FKBP15: variants seen among roughly 807,000 people sequenced by gnomAD.
The protein encoded by FKBP15 is FKBP prolyl isomerase family member 15.
Under a neutral mutation model 158.1 loss-of-function variants are expected in FKBP15, and 106 were observed. That is an observed-to-expected ratio of 0.67 (90% CI 0.57 to 0.79). The LOEUF (loss-of-function observed/expected upper bound fraction) is 0.79. Ranked by LOEUF, FKBP15 falls within the 30% of genes least tolerant of loss-of-function variation. The probability of loss-of-function intolerance (pLI) is 0.00; values close to 1 mark genes in which losing one functional copy is unlikely to be tolerated. For missense variants in FKBP15, 1,287 were observed against 1,479.1 expected (o/e 0.87, Z 2.13); for synonymous variants, 547 against 548.6 (o/e 1.00, Z 0.04).
At chr9:113,177,155 A>C (rs10981670) in intron 20 of FKBP15, among the ~76,000 whole-genome samples, 58,083 of 152,028 alleles carry the variant, frequency 0.38, 11,755 homozygotes, top group East Asian at 0.77. Flanking sequence ...TTTGAAACAG[A>C]TAACTCTCAT....
chr9:113,209,727 C>T (rs1830963062), intron 2 of FKBP15, among the ~76,000 whole-genome samples: 1 of 152,236 alleles, frequency 6.6e-6, no homozygotes, highest in African/African-American at 2.4e-5. Context: ...CTTTAACCTA[C>T]ACAACAAAAG....
At chr9:113,202,337 CA>C (rs1384535239) in intron 6 of FKBP15, among the ~76,000 whole-genome samples, 193 bp downstream of exon 6, 1 of 152,186 alleles carries the variant, frequency 6.6e-6, no homozygotes, top group Non-Finnish European at 1.5e-5. Flanking sequence ...GCTAAATTGT[CA>C]AGCAGTTTCA....
At chr9:113,205,948 T>C (rs1369799440) in intron 4 of FKBP15, 2 of 152,406 alleles carry the variant, frequency 1.3e-5, no homozygotes, top group Non-Finnish European at 2.9e-5. Flanking sequence ...ATTCCACCTA[T>C]ATTAGGTACC....
intron 3 of FKBP15, 70 bp from the exon 4 acceptor site, chr9:113,206,648 TC>T: frequency 8.6e-6 from 10 of 1,164,334 alleles, no homozygotes; most frequent in Non-Finnish European, 1.3e-5. Context: ...TTCTTTTCTG[TC>T]ATACAGAAGT....
At chr9:113,170,877 G>A (rs1370929295) in intron 24 of FKBP15, among the ~76,000 whole-genome samples, 2 of 152,150 alleles carry the variant, frequency 1.3e-5, no homozygotes, top group African/African-American at 2.4e-5. Flanking sequence ...TGGTCTGTGT[G>A]CCCAAGACTG....
Position 113,184,674 on chromosome 9 carries a change from C to T in FKBP15, c.1608+21G>A, listed in dbSNP as rs200675800. On this transcript the variant is annotated intron_variant, in intron 16 of 27. Transcript: ENST00000238256. This position sits in a 1 kb window ranked among gnomAD's most constrained non-coding sequence, Gnocchi z 4.5. ...GTTTACATCCCCACTTTCAACATCA[C>T]CCCAACTCTGACTCAGTCACCTTAG... 1 of 1,572,124 alleles carries T rather than the reference C, an allele frequency of 6.4e-7. No homozygotes were observed.
intron 2 of FKBP15, among the ~76,000 whole-genome samples, chr9:113,208,251 C>A (rs902730136): frequency 6.6e-6 from 1 of 152,038 alleles, no homozygotes; most frequent in Non-Finnish European, 1.5e-5. Context: ...GAGGAAGAAT[C>A]GCTTGAGCCT....
intron 6 of FKBP15, among the ~76,000 whole-genome samples, chr9:113,200,718 T>C (rs1366371013): frequency 3.9e-5 from 6 of 152,162 alleles, no homozygotes; most frequent in Non-Finnish European, 5.9e-5. Flanking sequence ...TTTAACATAG[T>C]ATCCATTAGG....
chr9:113,172,729 C>T (rs1016175460), intron 23 of FKBP15, among the ~76,000 whole-genome samples: 2 of 152,220 alleles, frequency 1.3e-5, no homozygotes, highest in Non-Finnish European at 2.9e-5. Flanking sequence ...GTCATTTAGA[C>T]ATAAACATTC....
At position 113,169,653 on chromosome 9, in the gene FKBP15, T is replaced by C; in HGVS notation, c.3056A>G (p.Glu1019Gly). The change falls in exon 26 of 28, where the codon GAG (glutamate) becomes GGG (glycine). Residue 1019 changes from glutamate (E) to glycine (G), a missense_variant. Coordinates refer to ENST00000238256, the MANE Select transcript of FKBP15 (RefSeq NM_015258.2). ...KGDSEAEALS[E>G]IKDGSLPPEL... ...GGGTGGAAGGGAACCATCTTTTATC[T>C]CTGAGAGTGCCTCAGCTTCTGAGTC... 1 of 1,613,990 alleles carries C rather than the reference T, an allele frequency of 6.2e-7. No homozygotes were observed.
At chr9:113,205,459 A>G (rs1001542201) in intron 4 of FKBP15, among the ~76,000 whole-genome samples, 1 of 152,222 alleles carries the variant, frequency 6.6e-6, no homozygotes, top group Non-Finnish European at 1.5e-5. Context: ...TAAAACCACA[A>G]TAAAGTACCA....
intron 6 of FKBP15, among the ~76,000 whole-genome samples, chr9:113,201,109 T>C (rs1830782355): frequency 6.6e-6 from 1 of 151,846 alleles, no homozygotes; most frequent in South Asian, 2.1e-4. Flanking sequence ...CATTTTTTTT[T>C]TTTTAACCAA....
rs80286900 is a variant in FKBP15 at position 113,166,195 on chromosome 9, C to T, written c.3583-40G>A. The T allele has an allele frequency of 2.3e-3, 3,603 of 1,553,120 alleles. 70 individuals carry two copies. In the African/African-American group the frequency reaches 0.043, roughly 18 times the overall value. On this transcript the variant is annotated intron_variant, in intron 27 of 27. Transcript: ENST00000238256. ...AAGAGCAGTCAGTCCTCACTTGTGC[C>T]TGCACCACTGGACTTTCCACCTGTG...
In FKBP15 at chr9:113,211,950, T is replaced by C. The variant is rs543626992; in HGVS notation, c.54-358A>G. Among the ~76,000 whole-genome samples, 4 of 152,306 alleles carry C rather than the reference T, an allele frequency of 2.6e-5. No individual in the cohort carries two copies. The East Asian group carries it at 7.7e-4, about 29-fold the overall frequency. On this transcript the variant is annotated intron_variant, in intron 1 of 27. Coordinates refer to ENST00000238256, the MANE Select transcript of FKBP15 (RefSeq NM_015258.2). ...GGTGCTCTCTATGGTATCTTCAAAC[T>C]GTAAATTCTTGCTTTTAGCAAATCA...
rs1564172017 is a variant in FKBP15 at position 113,194,057 on chromosome 9, G to A, written c.977C>T (p.Ser326Leu). 1 of 1,613,164 alleles carries A rather than the reference G, an allele frequency of 6.2e-7. No homozygotes were observed. The highest frequency in any genetic ancestry group is 1.1e-5 in the South Asian group (1 of 91,000). The change falls in exon 10 of 28, where the codon TCA becomes TTA. Residue 326 changes from serine (S) to leucine (L), a missense_variant. Transcript: ENST00000238256. Reference sequence around the variant, plus strand: ...TTTGAAAGGTATTGATGTGGGTGGTGACACAACAGGATCAGCAGAGAGGTT... The same window carrying A: ...TTTGAAAGGTATTGATGTGGGTGGTAACACAACAGGATCAGCAGAGAGGTT... Reference protein sequence around the residue: ...ADNLSADPVVSPPTSIPFKSG... With the variant: ...ADNLSADPVVLPPTSIPFKSG...
At chr9:113,179,920 G>A (rs976352755) in intron 19 of FKBP15, among the ~76,000 whole-genome samples, 1 of 152,140 alleles carries the variant, frequency 6.6e-6, no homozygotes, top group African/African-American at 2.4e-5. Context: ...AGATGACAAT[G>A]AAATCTAGAA....
intron 11 of FKBP15, 49 bp downstream of exon 11, chr9:113,193,443 A>G: frequency 6.8e-7 from 1 of 1,477,708 alleles, no homozygotes; most frequent in Non-Finnish European, 9.3e-7. Context: ...GCAAAGTGTT[A>G]GGATTACAGG....
At chr9:113,204,179 G>A in intron 4 of FKBP15, among the ~76,000 whole-genome samples, 1 of 152,162 alleles carries the variant, frequency 6.6e-6, no homozygotes, top group East Asian at 1.9e-4. Context: ...CCAGGTTCAA[G>A]CAATTCTCCT....
chr9:113,181,929 AAAGT>A (rs1391716597), intron 19 of FKBP15, among the ~76,000 whole-genome samples: 5 of 152,192 alleles, frequency 3.3e-5, no homozygotes, highest in Non-Finnish European at 7.3e-5. Flanking sequence ...GAAATGGTAT[AAAGT>A]AATGGGAACA....
Sources: allele counts gnomAD v4.1 joint callset (sites outside exome capture counted in the v4.1 genomes callset), GRCh38; gene constraint gnomAD v4.1.1; non-coding constraint Gnocchi (gnomAD v3.1); transcripts MANE v1.5; gene names NCBI Gene and HGNC (gene_info 2026-07-23, HGNC 2026-07-21).